FGFR1: variants seen among roughly 807,000 people sequenced by gnomAD.
FGFR1 encodes the protein fibroblast growth factor receptor 1, also known as FGFR1/PLAG1 fusion.
Under a neutral mutation model 93.7 loss-of-function variants are expected in FGFR1, and 18 were observed. The observed-to-expected ratio is 0.19, with a 90% confidence interval of 0.13 to 0.28. The LOEUF is 0.28. Among genes scored for constraint, FGFR1 ranks in the 10% least tolerant of loss-of-function variants. The probability of loss-of-function intolerance (pLI) is 1.00; values close to 1 mark genes in which losing one functional copy is unlikely to be tolerated. For synonymous variants in FGFR1, 448 were observed against 429.3 expected (o/e 1.04, Z -0.54); for missense variants, 731 against 1,080.4 (o/e 0.68, Z 4.53).
At chr8:38,451,151 C>T (rs896719047) in intron 2 of FGFR1, among the ~76,000 whole-genome samples, 7 of 152,166 alleles carry the variant, frequency 4.6e-5, no homozygotes, top group African/African-American at 1.2e-4. Context: ...GAATTCCATT[C>T]GCCTTCTGGC....
At chr8:38,452,941 C>G (rs1831550807) in intron 2 of FGFR1, among the ~76,000 whole-genome samples, 1 of 152,220 alleles carries the variant, frequency 6.6e-6, no homozygotes, top group South Asian at 2.1e-4. Context: ...CACGCCACTG[C>G]ACTCCAGCCT....
intron 1 of FGFR1, among the ~76,000 whole-genome samples, chr8:38,463,986 C>T (rs2151458360): frequency 6.6e-6 from 1 of 151,920 alleles, no homozygotes; most frequent in Non-Finnish European, 1.5e-5. Flanking sequence ...AAAAAAGTGT[C>T]TAAATGTCCT....
chr8:38,431,226 T>G (rs577548823), intron 2 of FGFR1, among the ~76,000 whole-genome samples: 1 of 152,130 alleles, frequency 6.6e-6, no homozygotes, highest in South Asian at 2.1e-4. Context: ...TTTTTTTCTG[T>G]CCAGCTCTCA....
intron 13 of FGFR1, among the ~76,000 whole-genome samples, chr8:38,415,233 G>A (rs1411076902): frequency 1.3e-5 from 2 of 152,156 alleles, no homozygotes; most frequent in African/African-American, 4.8e-5. Flanking sequence ...ACCAAACACT[G>A]CACTCAACAC....
chr8:38,432,817 C>G (rs1048967599), intron 2 of FGFR1, among the ~76,000 whole-genome samples: 4 of 152,036 alleles, frequency 2.6e-5, no homozygotes, highest in Non-Finnish European at 5.9e-5. Flanking sequence ...AAATCCACAT[C>G]CCTGCCTCAC....
At chr8:38,439,385 T>C (rs1826566128) in intron 2 of FGFR1, among the ~76,000 whole-genome samples, 1 of 152,134 alleles carries the variant, frequency 6.6e-6, no homozygotes, top group Non-Finnish European at 1.5e-5. Context: ...CCTGACACCT[T>C]CTCTTCTCGA....
rs115822186 is a variant in FGFR1 at position 38,465,141 on chromosome 8, T to A, written c.-89+2840A>T. Among the ~76,000 whole-genome samples the A allele has an allele frequency of 3.4e-3, 520 of 152,044 alleles. 5 individuals are homozygous for A. Among genetic ancestry groups the A allele is most frequent in the African/African-American group, 0.012 (503 of 41,452 alleles). The stretch of plus-strand genomic sequence containing the variant: ...TATCTAATCCTCTGCCCCTAGGGAG[T>A]GGGGGACGCTTCTCCATTTCTTCCT... On this transcript the variant is annotated intron_variant, in intron 1 of 17. Coordinates refer to ENST00000447712, the MANE Select transcript of FGFR1 (RefSeq NM_023110.3).
At chr8:38,459,331 C>T (rs3758102) in intron 1 of FGFR1, among the ~76,000 whole-genome samples, 30,737 of 152,138 alleles carry the variant, frequency 0.2, 3,958 homozygotes, top group East Asian at 0.38. Context: ...TGAGTCAGTG[C>T]TGGCTGGCAG....
intron 2 of FGFR1, among the ~76,000 whole-genome samples, chr8:38,455,670 A>T (rs1166754311): frequency 6.6e-6 from 1 of 152,130 alleles, no homozygotes; most frequent in East Asian, 1.9e-4. Context: ...TGTTTCCCAG[A>T]GCTACCTACT....
At chr8:38,422,813 AGGAACACACAGAAGGCAGAGAG>A in intron 7 of FGFR1, 2 of 559,642 alleles carry the variant, frequency 3.6e-6, no homozygotes, top group Non-Finnish European at 6.3e-6. Context: ...CACAAAGCCA[AGGAACACACAGAAGGCAGAGAG>A]GGAACCCACA....
chr8:38,436,409 C>T (rs17175786), intron 2 of FGFR1, among the ~76,000 whole-genome samples: 7 of 151,962 alleles, frequency 4.6e-5, no homozygotes, highest in African/African-American at 1.5e-4. Context: ...AAAAAAGGGG[C>T]CTTATGCTTT....
At position 38,411,807 on chromosome 8, in the gene FGFR1, G is replaced by A. The variant is rs1814499226; in HGVS notation, c.*1821C>T. The A allele has an allele frequency of 4.4e-6, 1 of 229,716 alleles. No individual in the cohort carries two copies. Among genetic ancestry groups the A allele is most frequent in the Non-Finnish European group, 8.6e-6 (1 of 115,680 alleles). The allele number at this position is 229,716 out of a possible 1,614,324, so 14.2% of individuals were successfully genotyped here. A position where few individuals can be genotyped will look rare whatever the true frequency, so the allele number is the denominator to read the frequency against. ...TTCGGAGAATTTTCCCCCCGTTCCT[G>A]AGGGACAGGATGGAGTTTGGACAGG... On this transcript the variant is annotated 3_prime_UTR_variant, in exon 18 of 18. Transcript: ENST00000447712.
At chr8:38,439,809 C>G (rs904544025) in intron 2 of FGFR1, among the ~76,000 whole-genome samples, 3 of 152,206 alleles carry the variant, frequency 2.0e-5, no homozygotes, top group Non-Finnish European at 4.4e-5. Flanking sequence ...CATTCTCCAC[C>G]TCTCCCCAAC....
chr8:38,450,760 T>C (rs999784325), intron 2 of FGFR1, among the ~76,000 whole-genome samples: 1 of 152,144 alleles, frequency 6.6e-6, no homozygotes, highest in Non-Finnish European at 1.5e-5. Context: ...CCCTGAGAAA[T>C]TCCTCCTCCC....
At chr8:38,441,880 C>A (rs1398471852) in intron 2 of FGFR1, among the ~76,000 whole-genome samples, 1 of 152,104 alleles carries the variant, frequency 6.6e-6, no homozygotes, top group Non-Finnish European at 1.5e-5. Flanking sequence ...AGAGCCATCC[C>A]CAATGAAGAC....
At chr8:38,453,377 G>A (rs1047025096) in intron 2 of FGFR1, among the ~76,000 whole-genome samples, 4 of 152,222 alleles carry the variant, frequency 2.6e-5, no homozygotes, top group Non-Finnish European at 5.9e-5. Context: ...TGTCCTATGA[G>A]CTCTGCAGAC....
chr8:38,466,380 T>G (rs1427828750), intron 1 of FGFR1, among the ~76,000 whole-genome samples: 1 of 152,220 alleles, frequency 6.6e-6, no homozygotes, highest in Non-Finnish European at 1.5e-5. Flanking sequence ...TTCCAGAAAC[T>G]TCCATCGTCA....
intron 8 of FGFR1, 61 bp downstream of exon 8, chr8:38,421,736 C>T (rs2150749010): frequency 6.4e-7 from 1 of 1,572,950 alleles, no homozygotes. Context: ...CCTGGAAATG[C>T]ATGCTCCCCC....
rs1003274207 is a variant in FGFR1, at chr8:38,416,440, C to T, written c.1664-380G>A. On this transcript the variant is annotated intron_variant, in intron 12 of 17. Coordinates refer to ENST00000447712, the MANE Select transcript of FGFR1 (RefSeq NM_023110.3). ...GCTGGGATTACAGGCATGAACAATG[C>T]CTGGCTAATTTTTTTTTTTTTTTTT... 1.5e-4 allele frequency among the ~76,000 whole-genome samples: 22 copies of T among 143,148 alleles called. 1 individual carries two copies. Among genetic ancestry groups the T allele is most frequent in the Middle Eastern group, 7.9e-3 (2 of 254 alleles). The allele number at this position is 143,148 out of a possible 152,430, so 93.9% of individuals were successfully genotyped here. A position where few individuals can be genotyped will look rare whatever the true frequency, so the allele number is the denominator to read the frequency against.
Sources: gnomAD v4.1 joint callset for allele counts (sites outside exome capture counted in the v4.1 genomes callset) on GRCh38, gnomAD v4.1.1 for gene constraint, MANE v1.5 for transcripts, NCBI Gene and HGNC (gene_info 2026-07-23, HGNC 2026-07-21) for gene names.